Variants in FRMPD4 observed in about 807,000 individuals in gnomAD.
FRMPD4 encodes the protein FERM and PDZ domain-containing protein 4.
Under a neutral mutation model 94.1 loss-of-function variants are expected in FRMPD4, and 22 were observed. The observed-to-expected ratio is 0.23, with a 90% CI of 0.17 to 0.33. The LOEUF (loss-of-function observed/expected upper bound fraction) is 0.33, where lower values mean the gene tolerates loss of function less well. Among genes scored for constraint, FRMPD4 ranks in the 10% least tolerant of loss-of-function variants. FRMPD4 has a pLI of 1.00. For synonymous variants in FRMPD4, 631 were observed against 548.6 expected, an observed-to-expected ratio of 1.15 and a Z score of -2.10; for missense variants, 1,111 against 1,339.9, an observed-to-expected ratio of 0.83 and a Z score of 2.67.
intron 3 of FRMPD4, among the ~76,000 whole-genome samples, chrX:12,105,115 C>T (rs182796022): frequency 9.0e-6 from 1 of 111,548 alleles, no homozygotes; most frequent in East Asian, 2.8e-4. Context: ...CGACTCCTTC[C>T]ATCCCATTTG....
intron 3 of FRMPD4, among the ~76,000 whole-genome samples, chrX:11,900,224 C>A (rs967345390): frequency 9.2e-6 from 1 of 109,038 alleles, no homozygotes; most frequent in African/African-American, 3.4e-5. Context: ...GGGGAAGGAA[C>A]AATTTATATC....
intron 1 of FRMPD4, among the ~76,000 whole-genome samples, chrX:11,849,447 G>A (rs927549767): frequency 1.8e-5 from 2 of 110,995 alleles, no homozygotes; most frequent in African/African-American, 3.3e-5. Flanking sequence ...AACCTCAAGG[G>A]AGCCCAAATA....
chrX:12,430,564 T>C (rs2148106430), intron 1 of FRMPD4, among the ~76,000 whole-genome samples: 2 of 112,212 alleles, frequency 1.8e-5, no homozygotes, highest in South Asian at 3.8e-4. Context: ...TTTTGGATGA[T>C]AGTTCTCAAA....
intron 3 of FRMPD4, among the ~76,000 whole-genome samples, chrX:12,083,199 C>G (rs1373641483): frequency 8.9e-6 from 1 of 112,762 alleles, no homozygotes; most frequent in Non-Finnish European, 1.9e-5. Context: ...CCCAGGGTTC[C>G]CATGCTGCGT....
chrX:12,517,779 C>T (rs906825795), intron 2 of FRMPD4, among the ~76,000 whole-genome samples: 5 of 112,659 alleles, frequency 4.4e-5, no homozygotes, highest in African/African-American at 1.6e-4. Flanking sequence ...TCTGGTGTGC[C>T]GGGATTCCTC....
chrX:12,537,534 C>G (rs1400118844), intron 2 of FRMPD4, among the ~76,000 whole-genome samples: 1 of 104,579 alleles, frequency 9.6e-6, no homozygotes, highest in East Asian at 3.0e-4. Context: ...CTCACTGCAG[C>G]CTTGACCTCC....
intron 3 of FRMPD4, among the ~76,000 whole-genome samples, chrX:11,933,712 C>T (rs1012556325): frequency 8.9e-6 from 1 of 111,889 alleles, no homozygotes; most frequent in African/African-American, 3.2e-5. Flanking sequence ...AACCGAGTTT[C>T]CAAAATATTT....
chrX:12,605,449 C>T lies in FRMPD4; in HGVS notation c.159-4272C>T, dbSNP rs759048405. 6.4e-4 allele frequency among the ~76,000 whole-genome samples: 72 copies of T among 111,704 alleles called. 1 individual carries two copies. Among genetic ancestry groups the T allele is most frequent in the Non-Finnish European group, 6.4e-4 (34 of 53,150 alleles). ...CCACTCTCACCCTGGTCCAAGCCAC[C>T]GCCATCAGGGGTTGATGTAATGGCC... On this transcript the variant is annotated intron_variant, in intron 2 of 16. Coordinates refer to ENST00000675598, the MANE Select transcript of FRMPD4 (RefSeq NM_001368397.1).
At chrX:12,141,918 T>G (rs1256138816) in intron 1 of FRMPD4, among the ~76,000 whole-genome samples, 2 of 112,209 alleles carry the variant, frequency 1.8e-5, no homozygotes, top group Non-Finnish European at 3.8e-5. Context: ...ATTGACTATT[T>G]TATTTGTAAA....
chrX:12,516,318 T>A (rs1028587128), intron 2 of FRMPD4, among the ~76,000 whole-genome samples: 2 of 112,236 alleles, frequency 1.8e-5, no homozygotes, highest in African/African-American at 6.5e-5. Context: ...CTTCAGTGTG[T>A]TTTTGTAGTG....
chrX:12,070,132 T>C (rs1468614338), intron 3 of FRMPD4, among the ~76,000 whole-genome samples: 5 of 109,807 alleles, frequency 4.6e-5, no homozygotes, highest in Admixed American at 9.7e-5. Context: ...GAGGGGGAAA[T>C]TGAGGATGCA....
chrX:12,249,488 G>T (rs1405035520), intron 1 of FRMPD4, among the ~76,000 whole-genome samples: 4 of 111,629 alleles, frequency 3.6e-5, no homozygotes, highest in Non-Finnish European at 7.5e-5. Context: ...TCATTGCTGG[G>T]AATGGTTGCT....
chrX:12,109,463 A>G (rs2055333999), intron 3 of FRMPD4, among the ~76,000 whole-genome samples: 1 of 112,262 alleles, frequency 8.9e-6, no homozygotes, highest in African/African-American at 3.2e-5. Flanking sequence ...TGCCCACAAG[A>G]GAAAGCAGGA....
intron 1 of FRMPD4, among the ~76,000 whole-genome samples, chrX:12,237,806 T>C (rs1383555010): frequency 8.9e-6 from 1 of 112,697 alleles, no homozygotes; most frequent in Admixed American, 9.4e-5. Context: ...TTATGTGTTT[T>C]CTATAAGTAT....
chrX:12,412,402 C>T (rs958337259), intron 1 of FRMPD4, among the ~76,000 whole-genome samples: 1 of 112,189 alleles, frequency 8.9e-6, no homozygotes, highest in Non-Finnish European at 1.9e-5. Flanking sequence ...GAGGTTCCCC[C>T]TTGGTAGCCA....
At chrX:12,418,481 C>A (rs749723676) in intron 1 of FRMPD4, among the ~76,000 whole-genome samples, 1 of 107,567 alleles carries the variant, frequency 9.3e-6, no homozygotes, top group Admixed American at 1.0e-4. Flanking sequence ...GCCTCAGCCT[C>A]CTGAGTAGCT....
Position 12,416,122 on chromosome X carries a change from CTTTCCTTCCTTCTCTT to C in FRMPD4, c.42-82556_42-82541del, listed in dbSNP as rs1356625839. On this transcript the variant is annotated intron_variant, in intron 1 of 16. Coordinates refer to ENST00000675598, the MANE Select transcript of FRMPD4 (RefSeq NM_001368397.1). ...GTTTCCTTTCCTTCCCTCCCTCCCT[CTTTCCTTCCTTCTCTT>C]TCTCTATTTTATGTTTCTTTTTCTC... Among the ~76,000 whole-genome samples the C allele has an allele frequency of 1.9e-4, 21 of 110,974 alleles. No individual in the cohort carries two copies. The South Asian group carries it at 8.2e-3, about 43-fold the overall frequency.
At chrX:12,124,172 C>T (rs1212532751) in intron 3 of FRMPD4, among the ~76,000 whole-genome samples, 1 of 112,232 alleles carries the variant, frequency 8.9e-6, no homozygotes, top group African/African-American at 3.2e-5. Flanking sequence ...CAGTTTATCA[C>T]TTACTTAGCA....
chrX:12,718,479 T>G lies in FRMPD4; in HGVS notation c.3653T>G (p.Val1218Gly). 2 of 1,205,690 alleles carry G rather than the reference T, an allele frequency of 1.7e-6. No homozygotes were observed. Among genetic ancestry groups the G allele is most frequent in the Non-Finnish European group, 2.2e-6 (2 of 890,091 alleles). The change falls in exon 16 of 17, where the codon GTG (valine) becomes GGG (glycine). Residue 1218 changes from valine to glycine, a missense_variant. Coordinates refer to ENST00000675598, the MANE Select transcript of FRMPD4 (RefSeq NM_001368397.1). Reference protein sequence around the residue: ...FSLQSSQGSSVDAGCGTGSSG... With the variant: ...FSLQSSQGSSGDAGCGTGSSG... ...CTGCAGAGCTCCCAAGGCTCTTCAG[T>G]GGATGCAGGCTGTGGCACAGGCAGC...
Sources: gnomAD v4.1 joint callset for allele counts (sites outside exome capture counted in the v4.1 genomes callset) on GRCh38, gnomAD v4.1.1 for gene constraint, MANE v1.5 for transcripts, NCBI Gene and HGNC (gene_info 2026-07-23, HGNC 2026-07-21) for gene names.